Variants in JADE1 observed in about 807,000 individuals in gnomAD.
The protein encoded by JADE1 is jade family PHD finger 1, also known as protein Jade-1.
A neutral mutation model predicts 81.8 loss-of-function variants in JADE1; 14 were observed. That is an observed-to-expected ratio of 0.17 (90% CI 0.11 to 0.27). The LOEUF is 0.27. Among genes scored for constraint, JADE1 ranks in the 10% least tolerant of loss-of-function variants. The pLI, the probability that JADE1 is intolerant of heterozygous loss-of-function variation, is 1.00. For synonymous variants in JADE1, 353 were observed against 391.9 expected (o/e 0.90, Z 1.17); for missense variants, 690 against 1,047.9 (o/e 0.66, Z 4.71).
chr4:128,853,020 C>T (rs1054520124), intron 6 of JADE1, among the ~76,000 whole-genome samples: 1 of 151,804 alleles, frequency 6.6e-6, no homozygotes, highest in Non-Finnish European at 1.5e-5. Context: ...CTCCGCCTCC[C>T]GAGTAGCTGG....
At chr4:128,859,872 A>C (rs914797311) in intron 8 of JADE1, among the ~76,000 whole-genome samples, 3 of 152,202 alleles carry the variant, frequency 2.0e-5, no homozygotes, top group African/African-American at 7.2e-5. Flanking sequence ...TCATATCTTC[A>C]CAGAATGGAT....
intron 2 of JADE1, 132 bp downstream of exon 2, chr4:128,831,942 G>A: frequency 2.5e-6 from 2 of 790,236 alleles, no homozygotes; most frequent in East Asian, 2.5e-5. Context: ...CCAAAGCCTG[G>A]AGAAACGTAC....
At chr4:128,831,937 G>C in intron 2 of JADE1, 127 bp downstream of exon 2, 1 of 837,168 alleles carries the variant, frequency 1.2e-6, no homozygotes, top group African/African-American at 1.7e-5. Flanking sequence ...GAAAGCCAAA[G>C]CCTGGAGAAA....
intron 1 of JADE1, among the ~76,000 whole-genome samples, chr4:128,824,382 C>T (rs571267002): frequency 1.1e-4 from 17 of 152,140 alleles, no homozygotes; most frequent in Non-Finnish European, 2.2e-4. Context: ...TGAGCCATTG[C>T]ACTCCAGCCT....
At chr4:128,822,738 A>G (rs928835693) in intron 1 of JADE1, among the ~76,000 whole-genome samples, 9 of 152,068 alleles carry the variant, frequency 5.9e-5, no homozygotes, top group Non-Finnish European at 1.3e-4. Context: ...AAAAAAAGTT[A>G]AAATCATATT....
At chr4:128,814,156 A>G (rs1726773155) in intron 1 of JADE1, among the ~76,000 whole-genome samples, 1 of 152,212 alleles carries the variant, frequency 6.6e-6, no homozygotes, top group South Asian at 2.1e-4. Flanking sequence ...GTAGCTATAC[A>G]GGGACAGCAA....
At chr4:128,822,650 C>A (rs564758974) in intron 1 of JADE1, among the ~76,000 whole-genome samples, 1 of 149,770 alleles carries the variant, frequency 6.7e-6, no homozygotes, top group Non-Finnish European at 1.5e-5. Context: ...ACCTGGGAGG[C>A]GGAGGTTGCG....
intron 2 of JADE1, among the ~76,000 whole-genome samples, chr4:128,833,587 G>A (rs148156741): frequency 0.015 from 2,345 of 152,208 alleles, 52 homozygotes; most frequent in African/African-American, 0.048. Flanking sequence ...CCAGCTACTC[G>A]GGAGGCTGAG....
intron 4 of JADE1, among the ~76,000 whole-genome samples, chr4:128,848,443 T>A (rs969716407): frequency 2.0e-5 from 3 of 152,138 alleles, no homozygotes; most frequent in Admixed American, 2.0e-4. Context: ...CCTCCCAAAG[T>A]GCTGGGATTA....
intron 3 of JADE1, among the ~76,000 whole-genome samples, chr4:128,845,307 T>C (rs181182531): frequency 6.6e-6 from 1 of 152,172 alleles, no homozygotes; most frequent in East Asian, 1.9e-4. Context: ...TTTCCTTCAT[T>C]TGGCCTGTGA....
chr4:128,830,390 C>T (rs1015269705), intron 1 of JADE1, among the ~76,000 whole-genome samples: 5 of 152,058 alleles, frequency 3.3e-5, no homozygotes, highest in South Asian at 2.1e-4. Context: ...CCTGCCACCA[C>T]GCCCGGCTAA....
chr4:128,862,245 C>T lies in JADE1; in HGVS notation c.1503+20C>T. The T allele has an allele frequency of 6.2e-7, 1 of 1,613,648 alleles. No individual in the cohort carries two copies. On this transcript the variant is annotated intron_variant, in intron 9 of 10. Transcript: ENST00000226319. ...GAGAGGGTAATGATTGACACTGACA[C>T]CTTATAGTGACTTAGAGAAGAAGAT... is the stretch of plus-strand genomic sequence containing the variant.
At chr4:128,811,817 C>T (rs1244411924) in intron 1 of JADE1, 1 of 151,950 alleles carries the variant, frequency 6.6e-6, no homozygotes, top group Non-Finnish European at 1.5e-5. Flanking sequence ...CCGCCTTCCT[C>T]GCCGGATGGC....
At chr4:128,820,761 C>A (rs901386738) in intron 1 of JADE1, among the ~76,000 whole-genome samples, 1 of 151,786 alleles carries the variant, frequency 6.6e-6, no homozygotes, top group Non-Finnish European at 1.5e-5. Flanking sequence ...TAGTTTCTGA[C>A]AACCGGGTAT....
Position 128,871,347 on chromosome 4 carries a change from GT to G in JADE1, c.1622-5del. 4.4e-6 allele frequency: 7 copies of G among 1,608,308 alleles called. No homozygotes were observed. The highest frequency in any genetic ancestry group is 5.9e-6 in the Non-Finnish European group (7 of 1,176,932). ...AATTTTTCTTTATTTGTGGTTTTAT[GT>G]TTATAGGTGTGCCTTCTTCCTGCTC... On this transcript the variant is annotated splice_region_variant and splice_polypyrimidine_tract_variant and intron_variant, in intron 10 of 10. Transcript: ENST00000226319. The surrounding 1 kb of genome is among the most constrained non-coding windows in gnomAD (Gnocchi z 4.1).
chr4:128,867,830 T>C, intron 9 of JADE1, 26 bp from the exon 10 acceptor site: 1 of 1,476,762 alleles, frequency 6.8e-7, no homozygotes, highest in Non-Finnish European at 9.5e-7. Context: ...ATTGCTTACT[T>C]AGAATCTTTA....
At chr4:128,863,804 G>A (rs868528103) in intron 9 of JADE1, 3 of 985,398 alleles carry the variant, frequency 3.0e-6, no homozygotes, top group Non-Finnish European at 3.6e-6. Flanking sequence ...CCCGACACCT[G>A]CTGTAATTGG....
Position 128,872,040 on chromosome 4 carries a change from C to T in JADE1, c.2307C>T (p.Ala769=). The T allele has an allele frequency of 1.2e-6, 2 of 1,614,016 alleles. No homozygotes were observed. The highest frequency in any genetic ancestry group is 1.7e-6 in the Non-Finnish European group (2 of 1,179,966). The change falls in exon 11 of 11, where the codon GCC becomes GCT. Residue 769 remains alanine, a synonymous_variant. Coordinates refer to ENST00000226319, the MANE Select transcript of JADE1 (RefSeq NM_199320.4). ...RQQQGEAHDG[A]CHQHSDYPYL... The stretch of plus-strand genomic sequence containing the variant: ...AGCAGGGAGAGGCCCACGATGGGGC[C>T]TGCCACCAGCACTCAGACTACCCAT...
chr4:128,859,408 CGT>C (rs1560771460), intron 8 of JADE1, among the ~76,000 whole-genome samples: 2 of 151,188 alleles, frequency 1.3e-5, no homozygotes, highest in African/African-American at 4.9e-5. Flanking sequence ...AGTGCGTATG[CGT>C]GTGTATGCAT....
Sources: gnomAD v4.1 joint callset for allele counts (sites outside exome capture counted in the v4.1 genomes callset) on GRCh38, gnomAD v4.1.1 for gene constraint, Gnocchi (gnomAD v3.1) non-coding constraint, MANE v1.5 for transcripts, NCBI Gene and HGNC (gene_info 2026-07-23, HGNC 2026-07-21) for gene names.